SYT16: variants seen among roughly 807,000 people sequenced by gnomAD.
The protein encoded by SYT16 is synaptotagmin-16.
In SYT16, 42 loss-of-function variants were observed where a neutral mutation model predicts 61.4. The observed-to-expected ratio is 0.68, with a 90% CI of 0.53 to 0.89. The LOEUF (loss-of-function observed/expected upper bound fraction) is 0.89, where lower values mean the gene tolerates loss of function less well. Ranked by LOEUF, SYT16 falls within the 40% of genes least tolerant of loss-of-function variation. SYT16 has a pLI of 0.00. For missense variants in SYT16, 804 were observed against 807.3 expected (o/e 1.00, Z 0.05); for synonymous variants, 314 against 302.3 (o/e 1.04, Z -0.40).
intron 1 of SYT16, among the ~76,000 whole-genome samples, chr14:61,853,947 A>G (rs1467543453): frequency 6.6e-6 from 1 of 152,234 alleles, no homozygotes; most frequent in Non-Finnish European, 1.5e-5. Context: ...GTCTCTATAT[A>G]CATGCATATT....
At chr14:62,079,356 A>G in intron 5 of SYT16, 3 of 1,216,184 alleles carry the variant, frequency 2.5e-6, no homozygotes, top group Non-Finnish European at 3.2e-6. Context: ...TTGAATCTTA[A>G]AAGAAAAGGA....
intron 7 of SYT16, among the ~76,000 whole-genome samples, chr14:62,093,227 A>C (rs2057154034): frequency 6.6e-6 from 1 of 152,126 alleles, no homozygotes; most frequent in Admixed American, 6.6e-5. Context: ...GAACATATTA[A>C]AATTTTAATC....
rs185819212 is a variant in SYT16, at chr14:62,019,715, T to C, written c.523+23173T>C. ...AGTGAGTCCTCTTTTGCTAGCCAGC[T>C]ATATTATCAGACAATAGGCAGAGTG... On this transcript the variant is annotated intron_variant, in intron 3 of 7. Coordinates refer to ENST00000683842, the MANE Select transcript of SYT16 (RefSeq NM_001367656.1). Among the ~76,000 whole-genome samples, 34 of 152,358 alleles carry C rather than the reference T, an allele frequency of 2.2e-4. No homozygotes were observed. In the East Asian group the frequency reaches 6.4e-3, roughly 29 times the overall value.
In SYT16 at chr14:62,100,703, C is replaced by A. The variant is rs753329224; in HGVS notation, c.1934C>A (p.Ser645Tyr). Residue 645 changes from serine (S) to tyrosine (Y), a missense_variant, in exon 8 of 8, where the codon TCC becomes TAC. By Grantham distance (144) the Ser-to-Tyr change is moderately radical. Coordinates refer to ENST00000683842, the MANE Select transcript of SYT16 (RefSeq NM_001367656.1). ...QICRWHTLLE[S>Y] Reference sequence around the variant, plus strand: ...TGCAGATGGCACACTTTGCTGGAATCCTAGGTTTGCTAACCTGCATTTGTG... The same window carrying A: ...TGCAGATGGCACACTTTGCTGGAATACTAGGTTTGCTAACCTGCATTTGTG... 8.7e-6 allele frequency: 14 copies of A among 1,611,732 alleles called. No individual in the cohort carries two copies. The highest frequency in any genetic ancestry group is 1.2e-5 in the Non-Finnish European group (14 of 1,178,750).
At chr14:61,934,275 C>T (rs892464950) in intron 1 of SYT16, among the ~76,000 whole-genome samples, 1 of 152,164 alleles carries the variant, frequency 6.6e-6, no homozygotes, top group African/African-American at 2.4e-5. Flanking sequence ...TCTCTGCTTA[C>T]ATTTTTTTGT....
chr14:62,082,685 A>G (rs2056750988), intron 6 of SYT16, among the ~76,000 whole-genome samples: 1 of 152,192 alleles, frequency 6.6e-6, no homozygotes, highest in African/African-American at 2.4e-5. Flanking sequence ...GCACATCGGA[A>G]ATGATGGAAA....
rs1027287428 is a variant in SYT16, at chr14:61,921,796, A to G, written c.-324-48336A>G. On this transcript the variant is annotated intron_variant, in intron 1 of 7. Transcript: ENST00000683842. ...GTGGACAGGTAGCAGGCTGTCACCT[A>G]TGGGGCAAACACCTCAAAGCACATG... 2.2e-4 allele frequency among the ~76,000 whole-genome samples: 33 copies of G among 152,338 alleles called. 1 individual carries two copies. The highest frequency in any genetic ancestry group is 1.3e-4 in the Non-Finnish European group (9 of 68,024).
chr14:61,847,728 G>A (rs1471337204), intron 1 of SYT16, among the ~76,000 whole-genome samples: 1 of 152,002 alleles, frequency 6.6e-6, no homozygotes, highest in Non-Finnish European at 1.5e-5. Flanking sequence ...TATTTTAGAT[G>A]TGCTTCCTTG....
At chr14:61,910,809 G>A (rs762829299) in intron 1 of SYT16, among the ~76,000 whole-genome samples, 12 of 152,194 alleles carry the variant, frequency 7.9e-5, no homozygotes, top group Non-Finnish European at 1.3e-4. Context: ...GATTACAGGC[G>A]TGAGCCACCG....
intron 1 of SYT16, among the ~76,000 whole-genome samples, chr14:61,813,292 C>A (rs776805215): frequency 6.6e-6 from 1 of 152,220 alleles, no homozygotes; most frequent in Non-Finnish European, 1.5e-5. Context: ...ACAAGGCCGG[C>A]TGGAGACCGC....
intron 1 of SYT16, among the ~76,000 whole-genome samples, chr14:61,888,730 C>T (rs1009104716): frequency 6.9e-6 from 1 of 145,734 alleles, no homozygotes; most frequent in African/African-American, 2.6e-5. Flanking sequence ...TGTGCTGATA[C>T]ACTTGCGCAA....
chr14:61,951,002 T>C (rs1468992303), intron 1 of SYT16, among the ~76,000 whole-genome samples: 1 of 152,224 alleles, frequency 6.6e-6, no homozygotes, highest in Non-Finnish European at 1.5e-5. Flanking sequence ...TATGATAGTT[T>C]TGTTCAATGG....
intron 2 of SYT16, among the ~76,000 whole-genome samples, chr14:61,995,379 T>G (rs1311553657): frequency 6.6e-6 from 1 of 152,104 alleles, no homozygotes; most frequent in African/African-American, 2.4e-5. Context: ...TTCTAGAGAT[T>G]GCATAAAAAT....
chr14:61,924,831 A>T (rs1208299204), intron 1 of SYT16, among the ~76,000 whole-genome samples: 1 of 152,194 alleles, frequency 6.6e-6, no homozygotes, highest in Non-Finnish European at 1.5e-5. Flanking sequence ...AGACAACCCC[A>T]AATTATGGTG....
chr14:61,862,125 T>C (rs1398501672), intron 1 of SYT16, among the ~76,000 whole-genome samples: 1 of 152,242 alleles, frequency 6.6e-6, no homozygotes, highest in East Asian at 1.9e-4. Context: ...TATGAAAGTA[T>C]AATTTGCATG....
chr14:61,874,343 A>T (rs2047420599), intron 1 of SYT16, among the ~76,000 whole-genome samples: 1 of 152,124 alleles, frequency 6.6e-6, no homozygotes, highest in South Asian at 2.1e-4. Flanking sequence ...CATTTGCGGG[A>T]TGTGAATGCC....
chr14:62,075,435 T>G (rs2056452117), intron 5 of SYT16, 44 bp downstream of exon 5: 1 of 1,540,562 alleles, frequency 6.5e-7, no homozygotes, highest in Non-Finnish European at 8.8e-7. Flanking sequence ...CCCTTTCCCC[T>G]TCCCCTCTTT....
At chr14:62,080,218 T>C (rs2056658492) in intron 5 of SYT16, among the ~76,000 whole-genome samples, 1 of 152,232 alleles carries the variant, frequency 6.6e-6, no homozygotes, top group Non-Finnish European at 1.5e-5. Context: ...TCAACATCCC[T>C]TGTGCCTGTC....
At chr14:62,045,629 T>C (rs2140867366) in intron 3 of SYT16, among the ~76,000 whole-genome samples, 1 of 151,922 alleles carries the variant, frequency 6.6e-6, no homozygotes, top group Non-Finnish European at 1.5e-5. Flanking sequence ...CAGGCCCCGG[T>C]GTGTGATGTT....
Sources: gnomAD v4.1 joint callset for allele counts (sites outside exome capture counted in the v4.1 genomes callset) on GRCh38, gnomAD v4.1.1 for gene constraint, MANE v1.5 for transcripts, NCBI Gene and HGNC (gene_info 2026-07-23, HGNC 2026-07-21) for gene names.